ACSL6: variants seen among roughly 807,000 people sequenced by gnomAD.
The protein encoded by ACSL6 is acyl-CoA synthetase long chain family member 6, also known as long-chain-fatty-acid--CoA ligase 6.
In ACSL6, 47 loss-of-function variants were observed where a neutral mutation model predicts 98.2. The ratio of observed to expected loss-of-function variants is 0.48; its 90% CI spans 0.38 to 0.61. ACSL6 has a LOEUF of 0.61. Ranked by LOEUF, ACSL6 falls within the 20% of genes least tolerant of loss-of-function variation. ACSL6 has a pLI of 0.00. For missense variants in ACSL6, 761 were observed against 913.4 expected (o/e 0.83, Z 2.15); for synonymous variants, 362 against 336.9 (o/e 1.07, Z -0.82).
At chr5:131,988,748 G>A (rs1754336423) in intron 6 of ACSL6, 57 bp downstream of exon 6, 6 of 1,581,014 alleles carry the variant, frequency 3.8e-6, no homozygotes, top group South Asian at 1.1e-5. Flanking sequence ...TGAGAAGCTG[G>A]AGGCTGGAGG....
At position 131,951,575 on chromosome 5, in the gene ACSL6, G is replaced by GT. The variant is rs1157999374; in HGVS notation, c.*2658dup. On this transcript the variant is annotated 3_prime_UTR_variant, in exon 21 of 21. Coordinates refer to ENST00000651883, the MANE Select transcript of ACSL6 (RefSeq NM_001009185.3). ...TTAAGTGGCAAAAAGAAGAAACCTT[G>GT]TTTTTGTTTTTTTTTTTTCTTTCTT... is the stretch of plus-strand genomic sequence containing the variant. 2.8e-5 allele frequency: 5 copies of GT among 175,798 alleles called. No homozygotes were observed. The highest frequency in any genetic ancestry group is 6.3e-5 in the Admixed American group (1 of 15,808). 10.9% of individuals were successfully genotyped at this position (175,798 alleles called of 1,614,324 possible).
At chr5:131,975,144 G>C in intron 10 of ACSL6, 174 bp from the exon 11 acceptor site, 1 of 1,411,080 alleles carries the variant, frequency 7.1e-7, no homozygotes, top group South Asian at 1.6e-5. Context: ...GAAGAAATGA[G>C]AGAGAGAGGG....
intron 1 of ACSL6, among the ~76,000 whole-genome samples, chr5:132,007,179 C>T (rs1755455909): frequency 6.6e-6 from 1 of 152,176 alleles, no homozygotes; most frequent in South Asian, 2.1e-4. Context: ...ATAGTGTCAC[C>T]TTGGTCATCC....
At chr5:131,977,760 A>G (rs1156426941) in intron 9 of ACSL6, among the ~76,000 whole-genome samples, 2 of 152,194 alleles carry the variant, frequency 1.3e-5, no homozygotes, top group Non-Finnish European at 2.9e-5. Context: ...AGGCAATAAA[A>G]GGGCTGAGAG....
intron 1 of ACSL6, among the ~76,000 whole-genome samples, chr5:131,996,033 G>A (rs1754776307): frequency 1.3e-5 from 2 of 152,250 alleles, no homozygotes; most frequent in African/African-American, 4.8e-5. Context: ...TGGCCCCACA[G>A]AAGGAGTTTA....
At chr5:131,958,981 T>C (rs753585545) in intron 20 of ACSL6, among the ~76,000 whole-genome samples, 146 of 152,136 alleles carry the variant, frequency 9.6e-4, no homozygotes, top group Non-Finnish European at 1.6e-3. Flanking sequence ...TATATGTAAG[T>C]CAGAGTAAGT....
chr5:131,970,025 T>C, intron 15 of ACSL6, 103 bp downstream of exon 15: 1 of 976,302 alleles, frequency 1.0e-6, no homozygotes, highest in African/African-American at 1.6e-5. Context: ...GCTTTATTCC[T>C]AAGTACCCAT....
intron 5 of ACSL6, among the ~76,000 whole-genome samples, chr5:131,989,195 T>C (rs1324841086): frequency 6.6e-6 from 1 of 152,028 alleles, no homozygotes; most frequent in Non-Finnish European, 1.5e-5. Context: ...CAGCTGTTTG[T>C]AGAGCTGGGT....
At chr5:131,991,021 G>A (rs1313270362) in intron 2 of ACSL6, 54 bp from the exon 3 acceptor site, 3 of 1,493,342 alleles carry the variant, frequency 2.0e-6, no homozygotes, top group South Asian at 2.3e-5. Flanking sequence ...GGGGTGCCAG[G>A]AGAGGGCCGC....
At chr5:131,963,550 C>CA (rs1336137638) in intron 17 of ACSL6, among the ~76,000 whole-genome samples, 1 of 152,176 alleles carries the variant, frequency 6.6e-6, no homozygotes, top group African/African-American at 2.4e-5. Flanking sequence ...ATATGAAACT[C>CA]ACGACCAAGC....
In ACSL6 at chr5:131,994,151, G is replaced by A; in HGVS notation, c.150C>T (p.Leu50=). ...LGDLGQFFRS[L]SATTLVSMGA... is the part of the protein sequence containing the mutation. ...CCATACTCACGAGGGTGGTGGCCGA[G>A]AGGCTGCGGAAAAACTGTCCCAAGT... is the stretch of plus-strand genomic sequence containing the variant. The change falls in exon 2 of 21, where the codon CTC becomes CTT. Residue 50 remains leucine (L), a synonymous_variant. Transcript: ENST00000651883. 1 of 1,614,238 alleles carries A rather than the reference G, an allele frequency of 6.2e-7. No individual in the cohort carries two copies.
intron 18 of ACSL6, 105 bp downstream of exon 18, chr5:131,962,406 AAAAAGGAGTTTTCTCTCATGTTTT>A (rs1752757879): frequency 1.8e-6 from 2 of 1,110,146 alleles, no homozygotes; most frequent in South Asian, 1.9e-5. Flanking sequence ...TTTCTCCTTT[AAAAAGGAGTTTTCTCTCATGTTTT>A]AAAATGCGGA....
At chr5:132,012,072 A>G, upstream of ACSL6, 1 of 1,108,344 alleles carries the variant, frequency 9.0e-7, no homozygotes, top group African/African-American at 1.6e-5. Flanking sequence ...CTCGAATGGC[A>G]GCCGGGTCGC....
chr5:132,011,344 C>A lies in ACSL6; in HGVS notation c.49+161G>T, dbSNP rs1440809600. 3 of 731,574 alleles carry A rather than the reference C, an allele frequency of 4.1e-6. No individual in the cohort carries two copies. The highest frequency in any genetic ancestry group is 3.7e-5 in the African/African-American group (2 of 53,656). 45.3% of individuals were successfully genotyped at this position (731,574 alleles called of 1,614,324 possible). On this transcript the variant is annotated intron_variant, in intron 1 of 20. Coordinates refer to ENST00000651883, the MANE Select transcript of ACSL6 (RefSeq NM_001009185.3). This position sits in a 1 kb window ranked among gnomAD's most constrained non-coding sequence, Gnocchi z 5.4. ...GCCCGGAGCCCGCGAGAACTGGGGGCGGAGGGTGTACTTAGGCGGCCCTGG... is the reference window on the plus strand; with the variant it reads ...GCCCGGAGCCCGCGAGAACTGGGGGAGGAGGGTGTACTTAGGCGGCCCTGG...
chr5:131,974,730 G>C, intron 11 of ACSL6, 163 bp downstream of exon 11: 2 of 1,590,898 alleles, frequency 1.3e-6, no homozygotes, highest in African/African-American at 2.7e-5. Context: ...TAGGCACAGA[G>C]TGTGCCTCCC....
intron 16 of ACSL6, among the ~76,000 whole-genome samples, chr5:131,966,996 G>C (rs557920770): frequency 6.6e-6 from 1 of 152,158 alleles, no homozygotes; most frequent in African/African-American, 2.4e-5. Context: ...TGTTTCTGCT[G>C]GGACAGATCA....
At chr5:131,962,452 G>A (rs1752760700) in intron 18 of ACSL6, 83 bp downstream of exon 18, 3 of 1,457,432 alleles carry the variant, frequency 2.1e-6, no homozygotes, top group Non-Finnish European at 2.8e-6. Flanking sequence ...GAGAATCCTG[G>A]TGCCTGATTG....
chr5:131,989,586 T>C, intron 4 of ACSL6, 78 bp from the exon 5 acceptor site: 2 of 56,994 alleles, frequency 3.5e-5, no homozygotes, highest in Non-Finnish European at 2.7e-5. Context: ...AGGAATTCTT[T>C]TTTTTTTTTT....
chr5:131,996,884 C>T (rs763981947), intron 1 of ACSL6, among the ~76,000 whole-genome samples: 2 of 152,128 alleles, frequency 1.3e-5, no homozygotes, highest in African/African-American at 4.8e-5. Context: ...GACTTAGGTA[C>T]GAGAGAGTCA....
Sources: allele counts gnomAD v4.1 joint callset (sites outside exome capture counted in the v4.1 genomes callset), GRCh38; gene constraint gnomAD v4.1.1; non-coding constraint Gnocchi (gnomAD v3.1); transcripts MANE v1.5; gene names NCBI Gene and HGNC (gene_info 2026-07-23, HGNC 2026-07-21).